Variants in CMTM8 observed in about 807,000 individuals in gnomAD.
CMTM8 encodes the protein CKLF like MARVEL transmembrane domain containing 8, also known as CKLF-like MARVEL transmembrane domain-containing protein 8.
Under a neutral mutation model 18.6 loss-of-function variants are expected in CMTM8, and 12 were observed. The observed-to-expected ratio is 0.65, with a 90% CI of 0.41 to 1.05. The LOEUF is 1.05. CMTM8 is among the 50% of genes least tolerant of loss of function. The pLI is 0.00. For missense variants in CMTM8, 217 were observed against 227.2 expected (o/e 0.95, Z 0.29); for synonymous variants, 87 against 90.6 (o/e 0.96, Z 0.23).
intron 1 of CMTM8, among the ~76,000 whole-genome samples, chr3:32,273,331 TAC>T (rs142730128): frequency 4.5e-4 from 68 of 150,928 alleles, no homozygotes; most frequent in African/African-American, 9.2e-4. Context: ...TATGTATGTG[TAC>T]ACACACACAC....
rs776095544 is a variant in CMTM8, at chr3:32,357,493, A to G, written c.268A>G (p.Ile90Val). 2.1e-4 allele frequency: 341 copies of G among 1,613,918 alleles called. No homozygotes were observed. Among genetic ancestry groups the G allele is most frequent in the Middle Eastern group, 1.2e-3 (7 of 6,084 alleles). Residue 90 changes from isoleucine (I) to valine (V), a missense_variant, in exon 2 of 4, where the codon ATC becomes GTC. Transcript: ENST00000307526. ...GGTCCTCACCGTCTTCTTCCTCATT[A>G]TCTACATAACAATGACCTACACCAG... ...YWVLTVFFLI[I>V]YITMTYTRIP...
chr3:32,258,984 C>A, intron 1 of CMTM8: 1 of 329,030 alleles, frequency 3.0e-6, no homozygotes, highest in South Asian at 3.1e-5. Context: ...ACTGCCAGTC[C>A]GTGGGCTCTG....
At chr3:32,254,452 A>G (rs141375890) in intron 1 of CMTM8, among the ~76,000 whole-genome samples, 3 of 152,294 alleles carry the variant, frequency 2.0e-5, no homozygotes, top group African/African-American at 4.8e-5. Flanking sequence ...GTGTCTTTCA[A>G]TATGGAAATT....
intron 1 of CMTM8, among the ~76,000 whole-genome samples, chr3:32,343,757 T>A (rs940505705): frequency 6.6e-6 from 1 of 152,142 alleles, no homozygotes; most frequent in African/African-American, 2.4e-5. Context: ...TGGAGTGCAA[T>A]GGCGTGATCT....
intron 1 of CMTM8, among the ~76,000 whole-genome samples, chr3:32,346,524 C>T (rs1276898954): frequency 6.6e-6 from 1 of 152,210 alleles, no homozygotes; most frequent in Non-Finnish European, 1.5e-5. Flanking sequence ...AGGGCTCTCT[C>T]CTTTGGTTGC....
At chr3:32,287,766 C>T (rs924145334) in intron 1 of CMTM8, among the ~76,000 whole-genome samples, 5 of 152,170 alleles carry the variant, frequency 3.3e-5, no homozygotes, top group African/African-American at 1.2e-4. Flanking sequence ...TGTATTCCCT[C>T]AACCATATGG....
At chr3:32,249,491 C>T (rs1283051262) in intron 1 of CMTM8, among the ~76,000 whole-genome samples, 1 of 151,520 alleles carries the variant, frequency 6.6e-6, no homozygotes, top group African/African-American at 2.4e-5. Context: ...AGGGACCGTA[C>T]TGCTTTACAA....
intron 1 of CMTM8, among the ~76,000 whole-genome samples, chr3:32,260,747 C>T (rs1347703948): frequency 6.6e-6 from 1 of 151,698 alleles, no homozygotes; most frequent in East Asian, 1.9e-4. Context: ...TTCACAGTCA[C>T]AGCTGGTGCC....
chr3:32,247,267 T>TTTAGGA (rs1346450670), intron 1 of CMTM8, among the ~76,000 whole-genome samples: 9 of 152,208 alleles, frequency 5.9e-5, no homozygotes, highest in African/African-American at 2.2e-4. Flanking sequence ...CTCAGGGGTT[T>TTTAGGA]TTAGGATATT....
chr3:32,315,558 A>T (rs1242998608), intron 1 of CMTM8, among the ~76,000 whole-genome samples: 2 of 152,220 alleles, frequency 1.3e-5, no homozygotes, highest in Admixed American at 6.5e-5. Flanking sequence ...CCACAGTGGG[A>T]TCCCTGGAAT....
chr3:32,319,327 C>T (rs1291405021), intron 1 of CMTM8, among the ~76,000 whole-genome samples: 2 of 151,620 alleles, frequency 1.3e-5, no homozygotes, highest in African/African-American at 4.9e-5. Flanking sequence ...GATCCGCCCA[C>T]CTCGGCCTCC....
At chr3:32,294,639 G>T (rs1236816985) in intron 1 of CMTM8, among the ~76,000 whole-genome samples, 1 of 152,220 alleles carries the variant, frequency 6.6e-6, no homozygotes, top group Non-Finnish European at 1.5e-5. Context: ...AAAGTATGCG[G>T]CAGCAGATAG....
intron 1 of CMTM8, among the ~76,000 whole-genome samples, chr3:32,336,981 C>T (rs1696401821): frequency 6.6e-6 from 1 of 152,094 alleles, no homozygotes; most frequent in African/African-American, 2.4e-5. Flanking sequence ...CTGGTGGGGA[C>T]TCTGCAGAGT....
At chr3:32,299,147 A>G (rs1044555748) in intron 1 of CMTM8, among the ~76,000 whole-genome samples, 1 of 151,374 alleles carries the variant, frequency 6.6e-6, no homozygotes, top group Non-Finnish European at 1.5e-5. Flanking sequence ...ACGTATTTTC[A>G]TAGAAAACAG....
At chr3:32,282,398 G>T (rs539710707) in intron 1 of CMTM8, among the ~76,000 whole-genome samples, 11 of 151,946 alleles carry the variant, frequency 7.2e-5, no homozygotes, top group Admixed American at 1.3e-4. Flanking sequence ...GATGATCAGG[G>T]TTATTTGAAT....
rs552179444 is a variant in CMTM8, at chr3:32,315,318, C to T, written c.148-42055C>T. ...CTAATTTTTGTATTTTTATTAGAGG[C>T]GAGGTTTTACCATGTTGGCCAGGCT... is the stretch of plus-strand genomic sequence containing the variant. On this transcript the variant is annotated intron_variant, in intron 1 of 3. Transcript: ENST00000307526. 4.6e-5 allele frequency among the ~76,000 whole-genome samples: 7 copies of T among 152,062 alleles called. No homozygotes were observed. The East Asian group carries it at 7.7e-4, about 17-fold the overall frequency.
rs570494111 is a variant in CMTM8 at position 32,332,040 on chromosome 3, A to G, written c.148-25333A>G. On this transcript the variant is annotated intron_variant, in intron 1 of 3. Coordinates refer to ENST00000307526, the MANE Select transcript of CMTM8 (RefSeq NM_178868.5). ...GTTACGTTCTTTTGACCACACGCGC[A>G]CACACACACACACACAAGTAAGTCA... 6.1e-3 allele frequency among the ~76,000 whole-genome samples: 921 copies of G among 150,112 alleles called. 4 individuals carry two copies. Among genetic ancestry groups the G allele is most frequent in the Admixed American group, 0.012 (177 of 15,138 alleles).
At chr3:32,337,996 T>G (rs1360372815) in intron 1 of CMTM8, among the ~76,000 whole-genome samples, 1 of 145,352 alleles carries the variant, frequency 6.9e-6, no homozygotes, top group East Asian at 2.0e-4. Flanking sequence ...TTTTTTTTTT[T>G]TAAATTGAGA....
At chr3:32,331,690 G>A (rs894572490) in intron 1 of CMTM8, among the ~76,000 whole-genome samples, 4 of 152,176 alleles carry the variant, frequency 2.6e-5, no homozygotes, top group Non-Finnish European at 5.9e-5. Flanking sequence ...GCAGACAATG[G>A]AGAATTATTC....
Sources: gnomAD v4.1 joint callset for allele counts (sites outside exome capture counted in the v4.1 genomes callset) on GRCh38, gnomAD v4.1.1 for gene constraint, MANE v1.5 for transcripts, NCBI Gene and HGNC (gene_info 2026-07-23, HGNC 2026-07-21) for gene names.